Variants in TAOK1 observed in about 807,000 individuals in gnomAD.
TAOK1 encodes TAO kinase 1.
TAOK1 carries 21 observed loss-of-function variants against 138.3 expected under a neutral mutation model. That is an observed-to-expected ratio of 0.15 (90% CI 0.11 to 0.22). TAOK1 has a LOEUF of 0.22. TAOK1 is among the 10% of genes least tolerant of loss of function. The pLI is 1.00. For missense variants in TAOK1, 651 were observed against 1,227.7 expected (o/e 0.53, Z 7.02); for synonymous variants, 361 against 398.4 (o/e 0.91, Z 1.12).
chr17:29,516,306 C>T (rs1415468439), intron 15 of TAOK1, among the ~76,000 whole-genome samples: 3 of 151,700 alleles, frequency 2.0e-5, no homozygotes, highest in Non-Finnish European at 2.9e-5. Flanking sequence ...ATAATATTCA[C>T]GTAGGTAATT....
chr17:29,471,682 C>G (rs2030822580), intron 3 of TAOK1, among the ~76,000 whole-genome samples: 1 of 152,130 alleles, frequency 6.6e-6, no homozygotes, highest in African/African-American at 2.4e-5. Flanking sequence ...TGGCTTCTGA[C>G]TGATCAGGGT....
intron 13 of TAOK1, among the ~76,000 whole-genome samples, chr17:29,503,988 G>A (rs1327624829): frequency 1.3e-5 from 2 of 152,044 alleles, no homozygotes; most frequent in African/African-American, 2.4e-5. Flanking sequence ...GCGTGTGCCT[G>A]TAATCCCAGG....
intron 12 of TAOK1, among the ~76,000 whole-genome samples, chr17:29,500,241 G>A (rs1442710171): frequency 2.0e-5 from 3 of 152,136 alleles, no homozygotes; most frequent in Non-Finnish European, 4.4e-5. Flanking sequence ...TTGAACCCAG[G>A]AGGTAGAGGT....
intron 14 of TAOK1, 40 bp from the exon 15 acceptor site, chr17:29,510,813 ACTACTTTATCT>A (rs1283579114): frequency 7.3e-7 from 1 of 1,375,956 alleles, no homozygotes. Flanking sequence ...ATATTAAACC[ACTACTTTATCT>A]ACTTAACTAA....
Position 29,500,433 on chromosome 17 carries a change from C to T in TAOK1, c.1203+1912C>T, listed in dbSNP as rs139922663. Among the ~76,000 whole-genome samples the T allele has an allele frequency of 4.6e-5, 7 of 152,152 alleles. No individual in the cohort carries two copies. In the East Asian group the frequency reaches 7.7e-4, roughly 17 times the overall value. On this transcript the variant is annotated intron_variant, in intron 12 of 19. Coordinates refer to ENST00000261716, the MANE Select transcript of TAOK1 (RefSeq NM_020791.4). ...GGAAACAACCCAAATTATTCATCAA[C>T]GGATGTATTAACAAATTGTGGTTTA... is the stretch of plus-strand genomic sequence containing the variant.
At chr17:29,447,863 C>G (rs887576368) in intron 1 of TAOK1, among the ~76,000 whole-genome samples, 1 of 150,562 alleles carries the variant, frequency 6.6e-6, no homozygotes, top group Non-Finnish European at 1.5e-5. Context: ...CCCATGTTGG[C>G]CAGGCTGGTT....
At chr17:29,433,756 G>C (rs548493842) in intron 1 of TAOK1, among the ~76,000 whole-genome samples, 1 of 152,268 alleles carries the variant, frequency 6.6e-6, no homozygotes, top group Non-Finnish European at 1.5e-5. Flanking sequence ...CTGAGGCTCA[G>C]CTCCAGTGGG....
chr17:29,464,781 TCACTGTA>T (rs2030618289), intron 2 of TAOK1, among the ~76,000 whole-genome samples: 1 of 151,990 alleles, frequency 6.6e-6, no homozygotes, highest in African/African-American at 2.4e-5. Flanking sequence ...CCTTAGTTCT[TCACTGTA>T]CTCATGTAGC....
In TAOK1 at chr17:29,544,553, AG is replaced by A. The variant is rs1447674948; in HGVS notation, c.*1536del. 2 of 151,916 alleles carry A rather than the reference AG, an allele frequency of 1.3e-5. No homozygotes were observed. The highest frequency in any genetic ancestry group is 2.4e-5 in the African/African-American group (1 of 41,362). 9.4% of individuals were successfully genotyped at this position (151,916 alleles called of 1,614,324 possible). On this transcript the variant is annotated 3_prime_UTR_variant, in exon 20 of 20. Transcript: ENST00000261716. ...TGACGAAAGCTAACTCTTATTTTTC[AG>A]GGGGCACATGTTTTGTTTTGTTATG...
At chr17:29,516,804 G>GT (rs1008062608) in intron 15 of TAOK1, among the ~76,000 whole-genome samples, 6 of 150,880 alleles carry the variant, frequency 4.0e-5, no homozygotes, top group African/African-American at 9.7e-5. Flanking sequence ...CCCGACCCCT[G>GT]TTTTTTTTGT....
chr17:29,489,634 T>C, intron 8 of TAOK1, 30 bp from the exon 9 acceptor site: 1 of 1,533,802 alleles, frequency 6.5e-7, no homozygotes, highest in Non-Finnish European at 8.9e-7. Flanking sequence ...TGGAACCTAT[T>C]TTAACAGGAA....
At chr17:29,485,127 A>T (rs1022742116) in intron 8 of TAOK1, among the ~76,000 whole-genome samples, 2 of 152,162 alleles carry the variant, frequency 1.3e-5, no homozygotes, top group Admixed American at 1.3e-4. Context: ...ATGTCTTAAT[A>T]CCAAGAAATC....
chr17:29,457,157 T>C (rs555725526), intron 2 of TAOK1, among the ~76,000 whole-genome samples: 1 of 136,252 alleles, frequency 7.3e-6, no homozygotes, highest in East Asian at 2.1e-4. Context: ...TGCAGTGCGG[T>C]GGCATGATCC....
At chr17:29,436,622 C>T (rs1362403147) in intron 1 of TAOK1, among the ~76,000 whole-genome samples, 1 of 152,164 alleles carries the variant, frequency 6.6e-6, no homozygotes, top group Non-Finnish European at 1.5e-5. Flanking sequence ...TAATTATAGT[C>T]AGAAACACAA....
At chr17:29,445,432 G>A (rs1414025530) in intron 1 of TAOK1, 1 of 152,258 alleles carries the variant, frequency 6.6e-6, no homozygotes, top group Admixed American at 6.5e-5. Context: ...TTAGAGGAAA[G>A]CTTTCAGTCT....
At chr17:29,524,750 T>C (rs956269222) in intron 17 of TAOK1, among the ~76,000 whole-genome samples, 3 of 152,206 alleles carry the variant, frequency 2.0e-5, no homozygotes, top group Non-Finnish European at 4.4e-5. Context: ...TAGCATCAAC[T>C]GTGTTTGATG....
At position 29,549,084 on chromosome 17, in the gene TAOK1, C is replaced by T. The variant is rs1399893557; in HGVS notation, c.*6062C>T. The T allele has an allele frequency of 3.9e-5, 6 of 152,132 alleles. No homozygotes were observed. The highest frequency in any genetic ancestry group is 7.4e-5 in the Non-Finnish European group (5 of 68,008). The allele number at this position is 152,132 out of a possible 1,614,324, so 9.4% of individuals were successfully genotyped here. ...TTTATGTAAATTATGCAGGTGATAA[C>T]ATGGTTTGGAACTGTTTATTGGGCT... On this transcript the variant is annotated 3_prime_UTR_variant, in exon 20 of 20. Transcript: ENST00000261716.
Position 29,517,674 on chromosome 17 carries a change from G to A in TAOK1, c.1908+18G>A, listed in dbSNP as rs763350755. The A allele has an allele frequency of 1.3e-6, 2 of 1,581,640 alleles. No individual in the cohort carries two copies. Among genetic ancestry groups the A allele is most frequent in the South Asian group, 2.3e-5 (2 of 87,296 alleles). Reference sequence around the variant, plus strand: ...TCAGGGAGGTAAGTTTGAGTGATGAGAAATTTTAAATCCTTTATCAAAAGA... The same window carrying A: ...TCAGGGAGGTAAGTTTGAGTGATGAAAAATTTTAAATCCTTTATCAAAAGA... On this transcript the variant is annotated intron_variant, in intron 16 of 19. Coordinates refer to ENST00000261716, the MANE Select transcript of TAOK1 (RefSeq NM_020791.4).
Position 29,551,540 on chromosome 17 carries a change from G to A in TAOK1, c.*8518G>A, listed in dbSNP as rs1355549809. The A allele has an allele frequency of 1.3e-5, 2 of 152,666 alleles. No individual in the cohort carries two copies. Among genetic ancestry groups the A allele is most frequent in the Admixed American group, 6.5e-5 (1 of 15,300 alleles). The allele number at this position is 152,666 out of a possible 1,614,324, so 9.5% of individuals were successfully genotyped here. On this transcript the variant is annotated 3_prime_UTR_variant, in exon 20 of 20. Transcript: ENST00000261716. ...CTCTCGATTTTTGGACCAAACAGAC[G>A]CTCACAGTGGAGGCTTATCAAGGGT...
Sources: gnomAD v4.1 joint callset for allele counts (sites outside exome capture counted in the v4.1 genomes callset) on GRCh38, gnomAD v4.1.1 for gene constraint, MANE v1.5 for transcripts, NCBI Gene and HGNC (gene_info 2026-07-23, HGNC 2026-07-21) for gene names.